MEIOC: variants seen among roughly 807,000 people sequenced by gnomAD.
MEIOC encodes meiosis-specific coiled-coil domain-containing protein MEIOC.
Under a neutral mutation model 85.3 loss-of-function variants are expected in MEIOC, and 9 were observed. The observed-to-expected ratio is 0.11, with a 90% CI of 0.06 to 0.18. MEIOC has a LOEUF of 0.18. Among genes scored for constraint, MEIOC ranks in the 10% least tolerant of loss-of-function variants. The pLI, the probability that MEIOC is intolerant of heterozygous loss-of-function variation, is 1.00. For missense variants in MEIOC, 898 were observed against 1,129.4 expected (o/e 0.80, Z 2.94); for synonymous variants, 365 against 393.7 (o/e 0.93, Z 0.86).
At chr17:44,657,510 A>G (rs1302704393) in intron 2 of MEIOC, among the ~76,000 whole-genome samples, 1 of 146,790 alleles carries the variant, frequency 6.8e-6, no homozygotes, top group Non-Finnish European at 1.5e-5. Context: ...CAGCTTCCTG[A>G]GGCACGCGCC....
In MEIOC at chr17:44,674,067, G is replaced by T; in HGVS notation, c.2730G>T (p.Leu910Phe). The T allele has an allele frequency of 6.4e-7, 1 of 1,551,674 alleles. No individual in the cohort carries two copies. The highest frequency in any genetic ancestry group is 1.2e-5 in the South Asian group (1 of 84,064). ...TALWCALQMT[L>F]PKTASTADVV... is the part of the protein sequence containing the mutation. Reference sequence around the variant, plus strand: ...TGTGGTGTGCACTGCAGATGACCTTGCCAAAAACAGCCAGTACAGCTGATG... The same window carrying T: ...TGTGGTGTGCACTGCAGATGACCTTTCCAAAAACAGCCAGTACAGCTGATG... The change falls in exon 8 of 8, where the codon TTG (leucine) becomes TTT (phenylalanine). Residue 910 changes from leucine to phenylalanine, a missense_variant. By Grantham distance (22) the Leu-to-Phe change is conservative. Around this residue, in one of 2 missense-constraint regions of MEIOC, gnomAD observed 164 missense variants for 269.2 expected, o/e 0.61. Transcript: ENST00000409122.
At chr17:44,672,614 T>C (rs192177215) in intron 6 of MEIOC, among the ~76,000 whole-genome samples, 1 of 152,344 alleles carries the variant, frequency 6.6e-6, no homozygotes, top group East Asian at 1.9e-4. Flanking sequence ...TGTATTTACT[T>C]GATCTTCAAA....
intron 2 of MEIOC, among the ~76,000 whole-genome samples, chr17:44,658,801 A>G (rs1453308980): frequency 4.0e-5 from 6 of 151,836 alleles, no homozygotes; most frequent in Non-Finnish European, 8.8e-5. Context: ...TCAAAAAAAA[A>G]AAAAAAAGAA....
At chr17:44,670,651 T>C (rs749664646) in intron 6 of MEIOC, 6 of 149,466 alleles carry the variant, frequency 4.0e-5, no homozygotes, top group Non-Finnish European at 5.9e-5. Flanking sequence ...GAGATCCTCC[T>C]GCCTAAGCCC....
chr17:44,666,827 CA>C lies in MEIOC; in HGVS notation c.922del (p.Arg308GlyfsTer16). The C allele has an allele frequency of 1.9e-6, 3 of 1,611,294 alleles. No homozygotes were observed. The highest frequency in any genetic ancestry group is 1.7e-5 in the Admixed American group (1 of 59,538). On this transcript the variant is annotated frameshift_variant, in exon 5 of 8. Transcript: ENST00000409122. LOFTEE classifies it high-confidence loss of function. ...TAAAGGTCTTGAAGCACCACTACAGCAAAAAAGGGCAGAGATGTTTCTTTCT... is the reference window on the plus strand; with the variant it reads ...TAAAGGTCTTGAAGCACCACTACAGCAAAAAGGGCAGAGATGTTTCTTTCT... ...CTKGLEAPLQ[Q>X]KRAEMFLSQF...
chr17:44,657,565 G>A (rs1971781937), intron 2 of MEIOC, among the ~76,000 whole-genome samples: 1 of 150,132 alleles, frequency 6.7e-6, no homozygotes, highest in Non-Finnish European at 1.5e-5. Context: ...TTTGTTTTTT[G>A]TTTTTGAGAT....
chr17:44,671,808 A>G (rs879834232), intron 6 of MEIOC, among the ~76,000 whole-genome samples: 9 of 151,890 alleles, frequency 5.9e-5, no homozygotes, highest in South Asian at 2.1e-4. Context: ...CGGGAGGCTG[A>G]GGCAGGAGAA....
chr17:44,657,406 C>CAG, intron 2 of MEIOC, 145 bp downstream of exon 2: 1 of 687,610 alleles, frequency 1.5e-6, no homozygotes, highest in Non-Finnish European at 2.1e-6. Context: ...TTTTTTGAGA[C>CAG]AGAGTCTTGC....
At chr17:44,665,045 G>A in intron 3 of MEIOC, 2 of 696,354 alleles carry the variant, frequency 2.9e-6, no homozygotes, top group African/African-American at 1.9e-5. Context: ...TTCAGGAGCA[G>A]CTATGATACC....
Position 44,674,208 on chromosome 17 carries a change from C to A in MEIOC, c.*12C>A. On this transcript the variant is annotated 3_prime_UTR_variant, in exon 8 of 8. Coordinates refer to ENST00000409122, the MANE Select transcript of MEIOC (RefSeq NM_001145080.3). ...CAAACAAACATTAAGGAAATGCCAG[C>A]AGAAAGAAGAATAAAAAGCTGATAA... The A allele has an allele frequency of 6.5e-7, 1 of 1,535,494 alleles. No homozygotes were observed. The highest frequency in any genetic ancestry group is 8.8e-7 in the Non-Finnish European group (1 of 1,138,416).
chr17:44,677,000 A>T, downstream of MEIOC: 1 of 962,434 alleles, frequency 1.0e-6, no homozygotes, highest in Non-Finnish European at 1.2e-6. Flanking sequence ...GAGTCCCAGA[A>T]GAAAGAACTG....
rs1971769167 is a variant in MEIOC at position 44,657,054 on chromosome 17, G to A, written c.70-73G>A. On this transcript the variant is annotated intron_variant, in intron 1 of 7. Transcript: ENST00000409122. ...GAGCCGAACAGCCGAGGTAGAACAG[G>A]TGTCGGGCCGTTTCAGCTCCGGCGT... 6 of 1,483,624 alleles carry A rather than the reference G, an allele frequency of 4.0e-6. No homozygotes were observed. The East Asian group carries it at 1.5e-4, about 37-fold the overall frequency. The allele number at this position is 1,483,624 out of a possible 1,614,324, so 91.9% of individuals were successfully genotyped here.
Position 44,674,596 on chromosome 17 carries a change from A to T in MEIOC, c.*400A>T. 1.0e-6 allele frequency: 1 copy of T among 993,534 alleles called. No homozygotes were observed. The highest frequency in any genetic ancestry group is 1.2e-6 in the Non-Finnish European group (1 of 834,430). The allele number at this position is 993,534 out of a possible 1,614,324, so 61.5% of individuals were successfully genotyped here. ...TAATGAATCTAAGTGACTGTAACCC[A>T]ATTACGGCTACAGCCTAGTAACCAA... On this transcript the variant is annotated 3_prime_UTR_variant, in exon 8 of 8. Transcript: ENST00000409122.
chr17:44,661,905 T>C (rs1971847834), intron 2 of MEIOC, among the ~76,000 whole-genome samples: 1 of 152,172 alleles, frequency 6.6e-6, no homozygotes, highest in South Asian at 2.1e-4. Flanking sequence ...ACATAATGCT[T>C]ATCTATTCAA....
At position 44,656,552 on chromosome 17, in the gene MEIOC, C is replaced by T; in HGVS notation, c.-62C>T. ...GCTGAGGGAGCCGGGCCTGGACGCCCCCCCCATCACCCCCGTACCCCAGGA... is the reference window on the plus strand; with the variant it reads ...GCTGAGGGAGCCGGGCCTGGACGCCTCCCCCATCACCCCCGTACCCCAGGA... On this transcript the variant is annotated 5_prime_UTR_variant, in exon 1 of 8. Transcript: ENST00000409122. 1 of 1,270,382 alleles carries T rather than the reference C, an allele frequency of 7.9e-7. No homozygotes were observed. The highest frequency in any genetic ancestry group is 1.0e-6 in the Non-Finnish European group (1 of 973,338). 78.7% of individuals were successfully genotyped at this position (1,270,382 alleles called of 1,614,324 possible). A position where few individuals can be genotyped will look rare whatever the true frequency, so the allele number is the denominator to read the frequency against.
At chr17:44,669,681 G>A (rs1438048252) in intron 6 of MEIOC, 164 bp downstream of exon 6, 1 of 620,152 alleles carries the variant, frequency 1.6e-6, no homozygotes. Context: ...CCATTATGGT[G>A]AAACCCCGTC....
At chr17:44,664,034 A>G (rs558066380) in intron 3 of MEIOC, among the ~76,000 whole-genome samples, 1 of 152,322 alleles carries the variant, frequency 6.6e-6, no homozygotes, top group Admixed American at 6.5e-5. Flanking sequence ...AACACTATGA[A>G]ATGTTGAAAT....
At chr17:44,669,328 T>C (rs1045980394) in intron 5 of MEIOC, 55 bp from the exon 6 acceptor site, 2 of 1,377,366 alleles carry the variant, frequency 1.5e-6, no homozygotes, top group Non-Finnish European at 1.0e-6. Context: ...CTATTATTCA[T>C]GGTCGAATCA....
rs765083876 is a variant in MEIOC, at chr17:44,667,049, A to G, written c.1138A>G (p.Lys380Glu). 2.5e-6 allele frequency: 4 copies of G among 1,613,524 alleles called. No homozygotes were observed. Among genetic ancestry groups the G allele is most frequent in the South Asian group, 2.2e-5 (2 of 91,028 alleles). ...KLFQVKPANQ[K>E]KMEETIPDQQ... Reference sequence around the variant, plus strand: ...ATTTCAGGTTAAGCCAGCGAATCAGAAAAAAATGGAGGAGACAATCCCTGA... The same window carrying G: ...ATTTCAGGTTAAGCCAGCGAATCAGGAAAAAATGGAGGAGACAATCCCTGA... Residue 380 changes from lysine to glutamate, a missense_variant, in exon 5 of 8, where the codon AAA (lysine) becomes GAA (glutamate). Physicochemically the swap from Lys to Glu is moderately conservative, Grantham distance 56. This residue lies in a region of MEIOC where 734 missense variants were observed against 860.1 expected (regional missense o/e 0.85). Coordinates refer to ENST00000409122, the MANE Select transcript of MEIOC (RefSeq NM_001145080.3).
Sources: gnomAD v4.1 joint callset for allele counts (sites outside exome capture counted in the v4.1 genomes callset) on GRCh38, gnomAD v4.1.1 for gene constraint, gnomAD v4.1.1 regional missense constraint, MANE v1.5 for transcripts, NCBI Gene and HGNC (gene_info 2026-07-23, HGNC 2026-07-21) for gene names.